WDR41: variants seen among roughly 807,000 people sequenced by gnomAD.
WDR41 encodes WD repeat domain 41.
A neutral mutation model predicts 69.3 loss-of-function variants in WDR41; 63 were observed. That is an observed-to-expected ratio of 0.91 (90% CI 0.74 to 1.12). WDR41 has a LOEUF of 1.12. Ranked by LOEUF, WDR41 falls within the 50% of genes most tolerant of loss-of-function variation. WDR41 has a pLI of 0.00. For missense variants in WDR41, 543 were observed against 534.5 expected, an observed-to-expected ratio of 1.02 and a Z score of -0.16; for synonymous variants, 185 against 192.1, an observed-to-expected ratio of 0.96 and a Z score of 0.31.
In WDR41 at chr5:77,467,033, G is replaced by T. The variant is rs1395844201; in HGVS notation, c.168-2224C>A. ...TCAGTTTATCTTAAACTAAATCCTA[G>T]TCAGTCAAGCATACACTTCAACCAT... is the stretch of plus-strand genomic sequence containing the variant. On this transcript the variant is annotated intron_variant, in intron 2 of 12. Coordinates refer to ENST00000296679, the MANE Select transcript of WDR41 (RefSeq NM_018268.4). Among the ~76,000 whole-genome samples, 4 of 151,698 alleles carry T rather than the reference G, an allele frequency of 2.6e-5. No homozygotes were observed. The East Asian group carries it at 7.7e-4, about 29-fold the overall frequency.
At chr5:77,497,845 G>A (rs527596825) in intron 1 of WDR41, among the ~76,000 whole-genome samples, 2 of 152,306 alleles carry the variant, frequency 1.3e-5, no homozygotes, top group South Asian at 4.1e-4. Context: ...GACATCCCAA[G>A]TGTCCATCCA....
intron 1 of WDR41, among the ~76,000 whole-genome samples, chr5:77,506,251 A>G (rs1189214226): frequency 6.6e-6 from 1 of 152,236 alleles, no homozygotes; most frequent in Admixed American, 6.5e-5. Context: ...ACTTCTCAAA[A>G]GAAGACATTT....
At chr5:77,581,172 T>C (rs1463324083) in intron 1 of WDR41, among the ~76,000 whole-genome samples, 1 of 151,970 alleles carries the variant, frequency 6.6e-6, no homozygotes, top group Non-Finnish European at 1.5e-5. Flanking sequence ...TTATGTATTA[T>C]GCAAACAGCA....
chr5:77,521,977 T>G (rs957901916), intron 1 of WDR41, among the ~76,000 whole-genome samples: 13 of 152,222 alleles, frequency 8.5e-5, no homozygotes, highest in African/African-American at 2.9e-4. Flanking sequence ...TGGTTGCACC[T>G]ACTAGCTTAG....
At chr5:77,466,468 T>C (rs1301881617) in intron 2 of WDR41, among the ~76,000 whole-genome samples, 1 of 151,880 alleles carries the variant, frequency 6.6e-6, no homozygotes, top group Non-Finnish European at 1.5e-5. Context: ...TCAATTTCTA[T>C]TGATTCTTTA....
chr5:77,526,934 G>T (rs2112200508), intron 1 of WDR41, among the ~76,000 whole-genome samples: 1 of 152,132 alleles, frequency 6.6e-6, no homozygotes, highest in South Asian at 2.1e-4. Flanking sequence ...ATCCCATATG[G>T]AATCTAGTTT....
chr5:77,538,233 T>C (rs1743024947), intron 1 of WDR41, among the ~76,000 whole-genome samples: 5 of 152,220 alleles, frequency 3.3e-5, no homozygotes, highest in Admixed American at 3.3e-4. Context: ...TCATTTAAGA[T>C]AATGACCTCC....
At position 77,542,460 on chromosome 5, in the gene WDR41, TA is replaced by T. The variant is rs1185797482; in HGVS notation, c.43-52889del. ...TAAAAGTTGGAAATTAAAAAAGGGA[TA>T]AAAAATGCTGTAAAAAGAGAAAAAT... On this transcript the variant is annotated intron_variant, in intron 1 of 5. Transcript: ENST00000509971. 2.0e-5 allele frequency among the ~76,000 whole-genome samples: 3 copies of T among 151,940 alleles called. No individual in the cohort carries two copies. In the East Asian group the frequency reaches 5.8e-4, roughly 29 times the overall value.
chr5:77,480,408 G>A (rs368101489), intron 2 of WDR41, among the ~76,000 whole-genome samples: 3 of 151,956 alleles, frequency 2.0e-5, no homozygotes, highest in East Asian at 3.9e-4. Context: ...ACAATAGCAA[G>A]GACTTGGAAC....
chr5:77,482,523 T>C (rs975240205), intron 2 of WDR41, among the ~76,000 whole-genome samples: 1 of 152,182 alleles, frequency 6.6e-6, no homozygotes, highest in Non-Finnish European at 1.5e-5. Flanking sequence ...TCTGGGTTTT[T>C]TTTCCTGTGC....
chr5:77,563,143 T>C (rs1743555650), intron 1 of WDR41, among the ~76,000 whole-genome samples: 1 of 152,156 alleles, frequency 6.6e-6, no homozygotes, highest in African/African-American at 2.4e-5. Flanking sequence ...ATGGTAGCAG[T>C]CTCCAGGTTG....
At chr5:77,586,959 C>T (rs1264130432) in intron 1 of WDR41, among the ~76,000 whole-genome samples, 1 of 151,902 alleles carries the variant, frequency 6.6e-6, no homozygotes, top group Non-Finnish European at 1.5e-5. Context: ...ACCTTGTGAT[C>T]CGCCTGCCTT....
intron 1 of WDR41, among the ~76,000 whole-genome samples, chr5:77,570,408 T>C (rs952024619): frequency 1.1e-4 from 17 of 151,008 alleles, no homozygotes; most frequent in African/African-American, 3.9e-4. Context: ...TTAGGAACAG[T>C]TGCTTACAAA....
At chr5:77,559,258 G>A (rs1743471069) in intron 1 of WDR41, among the ~76,000 whole-genome samples, 1 of 152,172 alleles carries the variant, frequency 6.6e-6, no homozygotes, top group African/African-American at 2.4e-5. Flanking sequence ...TCGAGTTGGG[G>A]AGAAATGTAC....
Position 77,436,376 on chromosome 5 carries a change from C to A in WDR41, c.1112G>T (p.Gly371Val). The change falls in exon 12 of 13, where the codon GGA (glycine) becomes GTA (valine). Residue 371 changes from glycine (G) to valine (V), a missense_variant. Coordinates refer to ENST00000296679, the MANE Select transcript of WDR41 (RefSeq NM_018268.4). ...PVPTGFFNMW[G>V]FGRVSKQASQ... ...GGCTTGTTTGCTGACTCTTCCAAATCCCCACATGTTAAAAAAACCTAGAAA... is the reference window on the plus strand; with the variant it reads ...GGCTTGTTTGCTGACTCTTCCAAATACCCACATGTTAAAAAAACCTAGAAA... 1 of 1,613,880 alleles carries A rather than the reference C, an allele frequency of 6.2e-7. No homozygotes were observed.
At chr5:77,564,062 C>T (rs1580011881) in intron 1 of WDR41, among the ~76,000 whole-genome samples, 1 of 152,198 alleles carries the variant, frequency 6.6e-6, no homozygotes, top group South Asian at 2.1e-4. Context: ...TAATACCTAC[C>T]TTTTCAGGCA....
chr5:77,435,446 ATC>A (rs1208707924), intron 12 of WDR41, among the ~76,000 whole-genome samples: 1 of 152,170 alleles, frequency 6.6e-6, no homozygotes, highest in Admixed American at 6.5e-5. Flanking sequence ...GACTGTTTTC[ATC>A]TCTCTCTGTA....
At chr5:77,455,812 G>A (rs954799496) in intron 5 of WDR41, among the ~76,000 whole-genome samples, 2 of 152,116 alleles carry the variant, frequency 1.3e-5, no homozygotes, top group African/African-American at 4.8e-5. Flanking sequence ...CTGCATGTCT[G>A]TCATTATGCC....
intron 1 of WDR41, among the ~76,000 whole-genome samples, chr5:77,616,171 A>G (rs1351349525): frequency 6.6e-6 from 1 of 150,964 alleles, no homozygotes; most frequent in Admixed American, 6.6e-5. Flanking sequence ...AGGTATATGT[A>G]TATATTTTTT....
Sources: allele counts gnomAD v4.1 joint callset (sites outside exome capture counted in the v4.1 genomes callset), GRCh38; gene constraint gnomAD v4.1.1; transcripts MANE v1.5; gene names NCBI Gene and HGNC (gene_info 2026-07-23, HGNC 2026-07-21).